Variants in GNA14 observed in about 807,000 individuals in gnomAD.
The protein encoded by GNA14 is G protein subunit alpha 14, also known as guanine nucleotide-binding protein subunit alpha-14.
Under a neutral mutation model 42.0 loss-of-function variants are expected in GNA14, and 50 were observed. The ratio of observed to expected loss-of-function variants is 1.19; its 90% CI spans 0.95 to 1.51. The LOEUF is 1.51. Ranked by LOEUF, GNA14 falls within the 40% of genes most tolerant of loss-of-function variation. The pLI is 0.00. For synonymous variants in GNA14, 173 were observed against 163.1 expected, an observed-to-expected ratio of 1.06 and a Z score of -0.46; for missense variants, 473 against 446.2, an observed-to-expected ratio of 1.06 and a Z score of -0.54.
chr9:77,441,132 G>T (rs10441786), intron 2 of GNA14, among the ~76,000 whole-genome samples: 1 of 152,070 alleles, frequency 6.6e-6, no homozygotes, highest in African/African-American at 2.4e-5. Flanking sequence ...ATTTGCTAAC[G>T]TATTGATATG....
intron 1 of GNA14, among the ~76,000 whole-genome samples, chr9:77,588,725 C>G (rs955100285): frequency 1.3e-5 from 2 of 152,174 alleles, no homozygotes; most frequent in Admixed American, 6.5e-5. Context: ...AGGTGACACT[C>G]TCCTACTGTC....
chr9:77,636,932 C>T (rs183606217), intron 1 of GNA14, among the ~76,000 whole-genome samples: 1 of 152,276 alleles, frequency 6.6e-6, no homozygotes, highest in Admixed American at 6.5e-5. Context: ...GAATATGGTT[C>T]CTCAGCACTC....
intron 2 of GNA14, among the ~76,000 whole-genome samples, chr9:77,527,286 T>C (rs910993558): frequency 7.2e-5 from 11 of 152,186 alleles, no homozygotes; most frequent in Admixed American, 2.0e-4. Context: ...TTCAAAAAGA[T>C]ACAGCAATGT....
chr9:77,521,153 G>T (rs1364120040), intron 2 of GNA14, among the ~76,000 whole-genome samples: 2 of 152,182 alleles, frequency 1.3e-5, no homozygotes, highest in Admixed American at 1.3e-4. Context: ...AGAATTTGTT[G>T]TTTGTTGTTG....
At chr9:77,451,154 A>G (rs4745639) in intron 2 of GNA14, among the ~76,000 whole-genome samples, 34,914 of 152,052 alleles carry the variant, frequency 0.23, 4,673 homozygotes, top group East Asian at 0.42. Context: ...GCTTCCTTCA[A>G]GAGGACTCAA....
Position 77,561,496 on chromosome 9 carries a change from AT to A in GNA14, c.125-32244del, listed in dbSNP as rs1372399055. ...TGACTAGATAAGCACAATGTGGTATATACATACAATAGAATTTCATCCAGCC... is the reference window on the plus strand; with the variant it reads ...TGACTAGATAAGCACAATGTGGTATAACATACAATAGAATTTCATCCAGCC... On this transcript the variant is annotated intron_variant, in intron 1 of 6. Coordinates refer to ENST00000341700, the MANE Select transcript of GNA14 (RefSeq NM_004297.4). Among the ~76,000 whole-genome samples the A allele has an allele frequency of 8.8e-4, 134 of 152,362 alleles. 1 individual carries two copies. The highest frequency in any genetic ancestry group is 3.1e-3 in the African/African-American group (129 of 41,588).
chr9:77,438,032 G>A (rs1835667048), intron 2 of GNA14, among the ~76,000 whole-genome samples: 2 of 152,126 alleles, frequency 1.3e-5, no homozygotes, highest in Admixed American at 1.3e-4. Context: ...TGAAAAATGG[G>A]GAGTAGATAT....
intron 1 of GNA14, among the ~76,000 whole-genome samples, chr9:77,624,012 C>T (rs1823975581): frequency 6.6e-6 from 1 of 152,196 alleles, no homozygotes; most frequent in Admixed American, 6.5e-5. Flanking sequence ...AAGCTACGTT[C>T]CACTGGCTTG....
intron 2 of GNA14, among the ~76,000 whole-genome samples, chr9:77,441,762 T>G (rs993664754): frequency 2.0e-5 from 3 of 152,224 alleles, no homozygotes; most frequent in African/African-American, 7.2e-5. Flanking sequence ...TTCCAACTTC[T>G]GTAAAATCAC....
intron 1 of GNA14, among the ~76,000 whole-genome samples, chr9:77,564,296 T>TAAAA (rs71358612): frequency 5.4e-4 from 73 of 134,818 alleles, no homozygotes; most frequent in Non-Finnish European, 1.0e-3. Context: ...CAGCACAATT[T>TAAAA]AAAAAAAAAA....
intron 2 of GNA14, among the ~76,000 whole-genome samples, chr9:77,484,761 A>G (rs564745677): frequency 6.6e-6 from 1 of 152,324 alleles, no homozygotes; most frequent in East Asian, 1.9e-4. Context: ...ACTGTAATGA[A>G]GTAAAAATTT....
chr9:77,587,328 A>C (rs1415601986), intron 1 of GNA14, among the ~76,000 whole-genome samples: 1 of 152,286 alleles, frequency 6.6e-6, no homozygotes, highest in Middle Eastern at 3.4e-3. Context: ...GAAAGCAGGA[A>C]CTCATATTAG....
chr9:77,611,819 A>G (rs1220427108), intron 1 of GNA14, among the ~76,000 whole-genome samples: 1 of 152,172 alleles, frequency 6.6e-6, no homozygotes, highest in Non-Finnish European at 1.5e-5. Flanking sequence ...GGAAGAGGCT[A>G]TTCTGAGTGA....
intron 2 of GNA14, among the ~76,000 whole-genome samples, chr9:77,455,374 T>G (rs917127153): frequency 4.6e-5 from 7 of 152,364 alleles, no homozygotes; most frequent in African/African-American, 1.4e-4. Flanking sequence ...TTTGATTACT[T>G]AAAGCCACTG....
rs183872561 is a variant in GNA14, at chr9:77,513,047, A to G, written c.309+16022T>C. On this transcript the variant is annotated intron_variant, in intron 2 of 6. Coordinates refer to ENST00000341700, the MANE Select transcript of GNA14 (RefSeq NM_004297.4). Reference sequence around the variant, plus strand: ...TCCTGATATTTCTCTAGTTTCTTTGATGGCATGACCCCTTGTGTAAATATT... The same window carrying G: ...TCCTGATATTTCTCTAGTTTCTTTGGTGGCATGACCCCTTGTGTAAATATT... 8.1e-3 allele frequency among the ~76,000 whole-genome samples: 1,240 copies of G among 152,346 alleles called. 12 individuals are homozygous for G. The highest frequency in any genetic ancestry group is 0.014 in the Non-Finnish European group (957 of 68,036).
chr9:77,522,979 G>A (rs1837381578), intron 2 of GNA14, among the ~76,000 whole-genome samples: 1 of 152,182 alleles, frequency 6.6e-6, no homozygotes, highest in African/African-American at 2.4e-5. Context: ...TAAGAGTGGT[G>A]GTTGACTGGA....
At chr9:77,582,175 G>T (rs72732770) in intron 1 of GNA14, among the ~76,000 whole-genome samples, 15,401 of 152,136 alleles carry the variant, frequency 0.1, 2,623 homozygotes, top group African/African-American at 0.35. Context: ...TCCACCCAAG[G>T]CAAGAACGCT....
At chr9:77,438,414 C>T (rs544638749) in intron 2 of GNA14, among the ~76,000 whole-genome samples, 3 of 151,974 alleles carry the variant, frequency 2.0e-5, no homozygotes, top group Non-Finnish European at 4.4e-5. Flanking sequence ...ATTACAGGCA[C>T]CCGCCACCAC....
At chr9:77,451,855 C>T (rs1174972308) in intron 2 of GNA14, among the ~76,000 whole-genome samples, 2 of 152,216 alleles carry the variant, frequency 1.3e-5, no homozygotes, top group African/African-American at 4.8e-5. Flanking sequence ...GTTACACAGA[C>T]ATTTAACCAA....
Sources: allele counts gnomAD v4.1 joint callset (sites outside exome capture counted in the v4.1 genomes callset), GRCh38; gene constraint gnomAD v4.1.1; transcripts MANE v1.5; gene names NCBI Gene and HGNC (gene_info 2026-07-23, HGNC 2026-07-21).